TPX2: variants seen among roughly 807,000 people sequenced by gnomAD.
TPX2 encodes the protein TPX2 microtubule nucleation factor.
In TPX2, 21 loss-of-function variants were observed where a neutral mutation model predicts 93.6. That is an observed-to-expected ratio of 0.22 (90% CI 0.16 to 0.32). TPX2 has a LOEUF of 0.32. Among genes scored for constraint, TPX2 ranks in the 10% least tolerant of loss-of-function variants. TPX2 has a pLI of 1.00. For synonymous variants in TPX2, 281 were observed against 298.3 expected, an observed-to-expected ratio of 0.94 and a Z score of 0.60; for missense variants, 776 against 871.1, an observed-to-expected ratio of 0.89 and a Z score of 1.37.
At chr20:31,774,626 A>G (rs1162204877) in intron 7 of TPX2, among the ~76,000 whole-genome samples, 2 of 152,222 alleles carry the variant, frequency 1.3e-5, no homozygotes, top group Admixed American at 6.5e-5. Flanking sequence ...GAAGTTAAAT[A>G]GTTTTCTCAA....
At chr20:31,741,938 C>T (rs759375088) in intron 1 of TPX2, among the ~76,000 whole-genome samples, 20 of 151,924 alleles carry the variant, frequency 1.3e-4, no homozygotes, top group Non-Finnish European at 2.1e-4. Flanking sequence ...ATAACCCAAG[C>T]GATTCTGTGA....
intron 7 of TPX2, among the ~76,000 whole-genome samples, chr20:31,773,889 G>A (rs891921573): frequency 1.4e-5 from 2 of 144,608 alleles, no homozygotes; most frequent in Non-Finnish European, 1.5e-5. Flanking sequence ...TTTTTTTATC[G>A]AGATGGAGTT....
At chr20:31,775,846 A>G (rs1258844462) in intron 7 of TPX2, 21 bp from the exon 8 acceptor site, 2 of 1,536,364 alleles carry the variant, frequency 1.3e-6, no homozygotes, top group African/African-American at 1.4e-5. Context: ...CTCTCTTCTC[A>G]TTTACTGATT....
chr20:31,794,790 G>GTGTA (rs1555788465), intron 15 of TPX2, among the ~76,000 whole-genome samples: 1 of 150,360 alleles, frequency 6.7e-6, no homozygotes, highest in African/African-American at 2.5e-5. Context: ...GTGTGTGTGT[G>GTGTA]TATGTGTGTG....
chr20:31,792,340 C>T (rs138159946), intron 12 of TPX2, among the ~76,000 whole-genome samples: 1 of 152,206 alleles, frequency 6.6e-6, no homozygotes, highest in Non-Finnish European at 1.5e-5. Flanking sequence ...GCCTGGGCAA[C>T]AGGGTGAGAC....
At chr20:31,762,792 T>C (rs2061898175) in intron 4 of TPX2, among the ~76,000 whole-genome samples, 1 of 152,220 alleles carries the variant, frequency 6.6e-6, no homozygotes, top group Non-Finnish European at 1.5e-5. Flanking sequence ...ATCAGCACCA[T>C]TTTTTGATTT....
At chr20:31,768,493 C>T (rs1198845970) in intron 5 of TPX2, among the ~76,000 whole-genome samples, 1 of 151,800 alleles carries the variant, frequency 6.6e-6, no homozygotes, top group Non-Finnish European at 1.5e-5. Flanking sequence ...AATCCGCCCA[C>T]CGTGGCCTCC....
In TPX2 at chr20:31,756,149, C is replaced by T. The variant is rs186571443; in HGVS notation, c.-70-1258C>T. On this transcript the variant is annotated intron_variant, in intron 2 of 17. Coordinates refer to ENST00000300403, the MANE Select transcript of TPX2 (RefSeq NM_012112.5). ...ATGTATAATGCACTGTGTTAAGCAC[C>T]TTGATGGTTGGATGGATGGATGGAT... Among the ~76,000 whole-genome samples the T allele has an allele frequency of 2.8e-3, 420 of 152,150 alleles. 1 individual carries two copies. Among genetic ancestry groups the T allele is most frequent in the African/African-American group, 9.9e-3 (409 of 41,502 alleles).
At chr20:31,775,743 A>AT in intron 7 of TPX2, 124 bp from the exon 8 acceptor site, 7 of 965,268 alleles carry the variant, frequency 7.3e-6, no homozygotes, top group South Asian at 7.6e-5. Context: ...ATTAGATGAT[A>AT]TTTTTTGGTT....
intron 12 of TPX2, 30 bp from the exon 13 acceptor site, chr20:31,792,705 A>G (rs2062109678): frequency 6.4e-7 from 1 of 1,572,068 alleles, no homozygotes; most frequent in Non-Finnish European, 8.8e-7. Context: ...TCATTTTGTG[A>G]TATCTAATTG....
At chr20:31,797,747 G>A (rs562888063) in intron 16 of TPX2, among the ~76,000 whole-genome samples, 2 of 152,324 alleles carry the variant, frequency 1.3e-5, no homozygotes, top group South Asian at 4.1e-4. Context: ...CTTGGCAGAA[G>A]CAGCTGGCAT....
At chr20:31,790,033 C>T (rs192204311) in intron 12 of TPX2, among the ~76,000 whole-genome samples, 42 of 152,298 alleles carry the variant, frequency 2.8e-4, no homozygotes, top group African/African-American at 8.9e-4. Flanking sequence ...CAGACAGACC[C>T]GTGGCTTCTT....
chr20:31,787,794 G>C (rs939977610), intron 12 of TPX2, among the ~76,000 whole-genome samples: 2 of 152,154 alleles, frequency 1.3e-5, no homozygotes, highest in East Asian at 1.9e-4. Context: ...AATCAGATAC[G>C]CATTTCTCAG....
At chr20:31,773,511 C>T (rs1462811476) in intron 7 of TPX2, among the ~76,000 whole-genome samples, 11 of 151,102 alleles carry the variant, frequency 7.3e-5, no homozygotes, top group South Asian at 2.1e-4. Context: ...AGGCTGGTCT[C>T]GAACTCCTGA....
chr20:31,793,381 A>G (rs1442814048), intron 13 of TPX2, among the ~76,000 whole-genome samples: 2 of 152,242 alleles, frequency 1.3e-5, no homozygotes, highest in Non-Finnish European at 2.9e-5. Flanking sequence ...GATTGCAAGC[A>G]TAAGCCTTTT....
intron 4 of TPX2, among the ~76,000 whole-genome samples, chr20:31,765,476 G>T (rs1327089733): frequency 6.6e-6 from 1 of 151,718 alleles, no homozygotes. Flanking sequence ...GTTGTTGTTT[G>T]TTTTTATATT....
In TPX2 at chr20:31,793,865, A is replaced by G; in HGVS notation, c.1527A>G (p.Val509=). 1 of 1,602,828 alleles carries G rather than the reference A, an allele frequency of 6.2e-7. No individual in the cohort carries two copies. The highest frequency in any genetic ancestry group is 1.1e-5 in the South Asian group (1 of 89,448). ...TTCCCTAGGAAGAGGACGAACCGGT[A>G]GTGATAAAAGCTCAACCTGTGCCAC... ...TKEDEEEDEP[V]VIKAQPVPHY... The change falls in exon 14 of 18, where the codon GTA becomes GTG. Residue 509 remains valine, a synonymous_variant. Transcript: ENST00000300403.
At chr20:31,760,810 T>A (rs1230234810) in intron 4 of TPX2, among the ~76,000 whole-genome samples, 1 of 152,220 alleles carries the variant, frequency 6.6e-6, no homozygotes, top group Non-Finnish European at 1.5e-5. Context: ...GAGTTATGTA[T>A]CTGATTTTAA....
intron 8 of TPX2, 67 bp downstream of exon 8, chr20:31,776,055 T>C: frequency 2.8e-6 from 1 of 363,072 alleles, no homozygotes; most frequent in East Asian, 6.5e-5. Flanking sequence ...TAGGTGTTTT[T>C]TTTTTTTTTT....
Sources: allele counts gnomAD v4.1 joint callset (sites outside exome capture counted in the v4.1 genomes callset), GRCh38; gene constraint gnomAD v4.1.1; transcripts MANE v1.5; gene names NCBI Gene and HGNC (gene_info 2026-07-23, HGNC 2026-07-21).